SNX29: variants seen among roughly 807,000 people sequenced by gnomAD.
The protein encoded by SNX29 is sorting nexin 29.
Under a neutral mutation model 102.1 loss-of-function variants are expected in SNX29, and 78 were observed. The observed-to-expected ratio is 0.76, with a 90% CI of 0.64 to 0.92. The LOEUF (loss-of-function observed/expected upper bound fraction) is 0.92, where lower values mean the gene tolerates loss of function less well. Ranked by LOEUF, SNX29 falls within the 40% of genes least tolerant of loss-of-function variation. The probability of loss-of-function intolerance (pLI) is 0.00; values close to 1 mark genes in which losing one functional copy is unlikely to be tolerated. For synonymous variants in SNX29, 580 were observed against 414.5 expected (o/e 1.40, Z -4.85); for missense variants, 1,280 against 1,061.7 (o/e 1.21, Z -2.86).
At chr16:12,364,416 CTTTT>C (rs1163569342) in intron 16 of SNX29, among the ~76,000 whole-genome samples, 1 of 98,774 alleles carries the variant, frequency 1.0e-5, no homozygotes, top group Non-Finnish European at 2.5e-5. Flanking sequence ...CTCTCTTCTT[CTTTT>C]TTTTTTTTTT....
At chr16:12,033,650 A>G (rs1011328798) in intron 4 of SNX29, among the ~76,000 whole-genome samples, 1 of 145,024 alleles carries the variant, frequency 6.9e-6, no homozygotes, top group African/African-American at 2.6e-5. Flanking sequence ...TCTGTTGCCC[A>G]TGCTGGAGTG....
chr16:12,212,984 T>C (rs755121762), intron 14 of SNX29, among the ~76,000 whole-genome samples: 4 of 152,050 alleles, frequency 2.6e-5, no homozygotes, highest in Non-Finnish European at 4.4e-5. Flanking sequence ...CATGGTGGCA[T>C]GCACCTGTAA....
In SNX29 at chr16:11,991,012, A is replaced by G. The variant is rs117799209; in HGVS notation, c.8-8285A>G. Among the ~76,000 whole-genome samples, 393 of 152,356 alleles carry G rather than the reference A, an allele frequency of 2.6e-3. 9 individuals are homozygous for G. In the East Asian group the frequency reaches 0.054, roughly 21 times the overall value. The stretch of plus-strand genomic sequence containing the variant: ...TAGTGACAGCAACCCTTTGGCCCAC[A>G]AAGCCTAAAATATTGACTGCGGGAC... On this transcript the variant is annotated intron_variant, in intron 1 of 20. Coordinates refer to ENST00000566228, the MANE Select transcript of SNX29 (RefSeq NM_032167.5).
intron 20 of SNX29, chr16:12,557,653 C>T (rs954021702): frequency 6.6e-5 from 10 of 152,226 alleles, no homozygotes; most frequent in African/African-American, 1.9e-4. Context: ...TGAGCCACTA[C>T]ACCCAGCCCA....
chr16:12,126,581 C>T (rs1368876693), intron 11 of SNX29, 52 bp from the exon 12 acceptor site: 2 of 1,576,378 alleles, frequency 1.3e-6, no homozygotes, highest in South Asian at 1.1e-5. Context: ...TGAGGGCATG[C>T]TGTAACAGGC....
intron 9 of SNX29, among the ~76,000 whole-genome samples, chr16:12,064,506 G>A (rs781228797): frequency 2.3e-4 from 35 of 152,226 alleles, no homozygotes; most frequent in African/African-American, 5.5e-4. Context: ...GACGTGTGCC[G>A]GCGTCAGCCA....
At chr16:12,213,354 A>G (rs1267090348) in intron 14 of SNX29, among the ~76,000 whole-genome samples, 1 of 152,108 alleles carries the variant, frequency 6.6e-6, no homozygotes, top group East Asian at 1.9e-4. Context: ...AGGGATGAAA[A>G]ACTACCTATT....
intron 19 of SNX29, among the ~76,000 whole-genome samples, chr16:12,481,498 G>A (rs1243190586): frequency 2.4e-4 from 30 of 124,080 alleles, no homozygotes; most frequent in East Asian, 4.8e-4. Flanking sequence ...ATACACATAT[G>A]TACATATACA....
chr16:12,338,888 A>G (rs1476592483), intron 15 of SNX29, among the ~76,000 whole-genome samples: 2 of 152,254 alleles, frequency 1.3e-5, no homozygotes, highest in Non-Finnish European at 2.9e-5. Context: ...GCCCAAAATC[A>G]TAACAGTGTT....
chr16:12,187,588 C>T (rs1418021100), intron 13 of SNX29, among the ~76,000 whole-genome samples: 1 of 151,592 alleles, frequency 6.6e-6, no homozygotes, highest in African/African-American at 2.4e-5. Context: ...CAGTTGTGTT[C>T]TCTCCATCTG....
intron 15 of SNX29, among the ~76,000 whole-genome samples, chr16:12,333,665 C>T (rs1328196486): frequency 2.0e-5 from 3 of 152,062 alleles, no homozygotes; most frequent in Non-Finnish European, 2.9e-5. Flanking sequence ...GGCTCCCAGT[C>T]CGGACTCTCT....
chr16:12,550,871 G>A (rs1002628281), intron 20 of SNX29, among the ~76,000 whole-genome samples: 8 of 152,126 alleles, frequency 5.3e-5, no homozygotes, highest in Admixed American at 5.2e-4. Context: ...AGACTTTCTG[G>A]GAGGAAACCT....
rs1269196119 is a variant in SNX29 at position 12,571,859 on chromosome 16, C to T, written c.*3230C>T. 1.8e-5 allele frequency: 19 copies of T among 1,060,898 alleles called. No individual in the cohort carries two copies. Among genetic ancestry groups the T allele is most frequent in the Non-Finnish European group, 2.2e-5 (19 of 876,402 alleles). 65.7% of individuals were successfully genotyped at this position (1,060,898 alleles called of 1,614,324 possible). A position where few individuals can be genotyped will look rare whatever the true frequency, so the allele number is the denominator to read the frequency against. On this transcript the variant is annotated 3_prime_UTR_variant, in exon 21 of 21. Coordinates refer to ENST00000566228, the MANE Select transcript of SNX29 (RefSeq NM_032167.5). ...CAGTATGCTCCAATCACGTTGCTGG[C>T]AAGGCATTTTAGAGTTTGGAGCTGA... is the stretch of plus-strand genomic sequence containing the variant.
chr16:12,151,888 A>C (rs1388498400), intron 13 of SNX29, among the ~76,000 whole-genome samples: 2 of 152,022 alleles, frequency 1.3e-5, no homozygotes, highest in Admixed American at 1.3e-4. Flanking sequence ...GGTGCACATC[A>C]CCATGCCTGG....
chr16:12,548,825 C>T lies in SNX29; in HGVS notation c.2319-19681C>T, dbSNP rs3893852. Among the ~76,000 whole-genome samples the T allele has an allele frequency of 2.4e-3, 373 of 152,312 alleles. 1 individual carries two copies. Among genetic ancestry groups the T allele is most frequent in the African/African-American group, 8.8e-3 (366 of 41,558 alleles). The stretch of plus-strand genomic sequence containing the variant: ...GGCTGTTGTTTTCCTATGGCAGGCC[C>T]AGCCCTGTCTAGCTCTCAGTTCCTC... On this transcript the variant is annotated intron_variant, in intron 20 of 20. Coordinates refer to ENST00000566228, the MANE Select transcript of SNX29 (RefSeq NM_032167.5).
chr16:12,057,828 T>A (rs34120129), intron 8 of SNX29, among the ~76,000 whole-genome samples: 8,093 of 150,154 alleles, frequency 0.054, 299 homozygotes, highest in Non-Finnish European at 0.072. Flanking sequence ...ATATATATAT[T>A]TTTTTTTGAG....
At chr16:12,522,676 T>TCC (rs1046085515) in intron 19 of SNX29, among the ~76,000 whole-genome samples, 4 of 152,072 alleles carry the variant, frequency 2.6e-5, no homozygotes, top group African/African-American at 9.7e-5. Flanking sequence ...TGTGCCTGAG[T>TCC]CCCCTTTGCC....
At chr16:11,979,470 G>A (rs573821894) in intron 1 of SNX29, among the ~76,000 whole-genome samples, 1 of 152,294 alleles carries the variant, frequency 6.6e-6, no homozygotes, top group African/African-American at 2.4e-5. Flanking sequence ...GAATGCAGTT[G>A]AAAGTGGGTT....
At chr16:12,383,468 G>A (rs1313772008) in intron 16 of SNX29, among the ~76,000 whole-genome samples, 3 of 151,114 alleles carry the variant, frequency 2.0e-5, no homozygotes, top group Non-Finnish European at 4.4e-5. Context: ...ACAGAGTCTC[G>A]CTCTCTTGCC....
Sources: gnomAD v4.1 joint callset for allele counts (sites outside exome capture counted in the v4.1 genomes callset) on GRCh38, gnomAD v4.1.1 for gene constraint, MANE v1.5 for transcripts, NCBI Gene and HGNC (gene_info 2026-07-23, HGNC 2026-07-21) for gene names.